The following SYCP2L variants were observed in gnomAD, a reference collection of about 807,000 sequenced individuals.
The protein encoded by SYCP2L is synaptonemal complex protein 2 like, also known as synaptonemal complex protein 2-like.
A neutral mutation model predicts 125.8 loss-of-function variants in SYCP2L; 98 were observed. That is an observed-to-expected ratio of 0.78 (90% CI 0.66 to 0.92). SYCP2L has a LOEUF of 0.92. Among genes scored for constraint, SYCP2L ranks in the 40% least tolerant of loss-of-function variants. SYCP2L has a pLI of 0.00. For synonymous variants in SYCP2L, 317 were observed against 325.4 expected, an observed-to-expected ratio of 0.97 and a Z score of 0.28; for missense variants, 842 against 936.4, an observed-to-expected ratio of 0.90 and a Z score of 1.32.
In SYCP2L at chr6:10,930,404, G is replaced by T. The variant is rs1266861676; in HGVS notation, c.1523G>T (p.Ser508Ile). ...TACAGAAAACATCTCTTCTCTGAGA[G>T]TAATCAAGATTCAAGTACCAGTGAA... is the stretch of plus-strand genomic sequence containing the variant. ...SHYRKHLFSE[S>I]NQDSSTSELS... is the part of the protein sequence containing the mutation. Residue 508 changes from serine to isoleucine, a missense_variant, in exon 19 of 30, where the codon AGT becomes ATT. By Grantham distance (142) the Ser-to-Ile change is moderately radical. Coordinates refer to ENST00000283141, the MANE Select transcript of SYCP2L (RefSeq NM_001040274.3). 4.3e-6 allele frequency: 7 copies of T among 1,613,418 alleles called. No homozygotes were observed. Among genetic ancestry groups the T allele is most frequent in the Non-Finnish European group, 5.9e-6 (7 of 1,179,794 alleles).
intron 14 of SYCP2L, among the ~76,000 whole-genome samples, chr6:10,923,740 G>C (rs1209921584): frequency 3.4e-5 from 5 of 145,112 alleles, no homozygotes; most frequent in Non-Finnish European, 7.4e-5. Context: ...CTGGAGTGCA[G>C]TGGCACGATC....
At chr6:10,961,032 C>G (rs140028332) in intron 26 of SYCP2L, among the ~76,000 whole-genome samples, 2 of 149,904 alleles carry the variant, frequency 1.3e-5, no homozygotes, top group African/African-American at 2.5e-5. Context: ...GAGCTGAGAT[C>G]ACGCCATTGC....
intron 23 of SYCP2L, among the ~76,000 whole-genome samples, chr6:10,945,769 TAAAAAAAA>T (rs56943517): frequency 1.1e-5 from 1 of 93,262 alleles, no homozygotes. Context: ...GACTCCATCT[TAAAAAAAA>T]AAAAAAAAAA....
intron 12 of SYCP2L, among the ~76,000 whole-genome samples, chr6:10,911,893 G>GCTTT (rs1329978597): frequency 0.11 from 9,634 of 90,602 alleles, 2,982 homozygotes; most frequent in Middle Eastern, 0.21. Flanking sequence ...GGGAATAAAA[G>GCTTT]CTTTTTTTTT....
intron 1 of SYCP2L, 99 bp from the exon 2 acceptor site, chr6:10,891,414 T>C: frequency 1.1e-6 from 1 of 891,364 alleles, no homozygotes; most frequent in Non-Finnish European, 1.6e-6. Context: ...AATACAAACC[T>C]TTAATTTTTT....
At chr6:10,922,567 G>A (rs1456379676) in intron 14 of SYCP2L, 2 of 151,430 alleles carry the variant, frequency 1.3e-5, no homozygotes, top group Non-Finnish European at 2.9e-5. Flanking sequence ...CCGGGTTCAC[G>A]CCATTCTTCT....
intron 23 of SYCP2L, among the ~76,000 whole-genome samples, chr6:10,950,745 C>T (rs907937180): frequency 6.6e-6 from 1 of 152,030 alleles, no homozygotes; most frequent in African/African-American, 2.4e-5. Flanking sequence ...CTGCAGCCTT[C>T]GATCTCCCAG....
chr6:10,911,894 C>CTTTTTTTTTTTTTTTTT (rs58800098), intron 12 of SYCP2L, among the ~76,000 whole-genome samples: 3 of 50,020 alleles, frequency 6.0e-5, no homozygotes, highest in Non-Finnish European at 7.3e-5. Flanking sequence ...GGAATAAAAG[C>CTTTTTTTTTTTTTTTTT]TTTTTTTTTT....
At chr6:10,921,249 A>G (rs981047426) in intron 14 of SYCP2L, among the ~76,000 whole-genome samples, 1 of 152,220 alleles carries the variant, frequency 6.6e-6, no homozygotes, top group South Asian at 2.1e-4. Context: ...CAAGGTGTGT[A>G]TGTACCACAT....
intron 19 of SYCP2L, among the ~76,000 whole-genome samples, chr6:10,930,876 T>C (rs571730777): frequency 2.0e-5 from 3 of 152,242 alleles, no homozygotes; most frequent in Non-Finnish European, 2.9e-5. Context: ...CATTCTTAGG[T>C]AGGTAAAACT....
At position 10,928,429 on chromosome 6, in the gene SYCP2L, C is replaced by T. The variant is rs1462853995; in HGVS notation, c.1467C>T (p.Val489=). 1.9e-6 allele frequency: 3 copies of T among 1,585,008 alleles called. No individual in the cohort carries two copies. The highest frequency in any genetic ancestry group is 2.4e-5 in the East Asian group (1 of 42,272). The change falls in exon 18 of 30, where the codon GTC becomes GTT. Residue 489 remains valine (V), a synonymous_variant. Transcript: ENST00000283141. ...TTCAGCCGGTCCCTCCGTTCGGGGTCCCTGACTTCCCGCAACAACCTGTGA... is the reference window on the plus strand; with the variant it reads ...TTCAGCCGGTCCCTCCGTTCGGGGTTCCTGACTTCCCGCAACAACCTGTGA... ...SHLQPVPPFG[V]PDFPQQPKSH...
At chr6:10,934,125 G>GTC (rs769535118) in intron 20 of SYCP2L, among the ~76,000 whole-genome samples, 2 of 152,112 alleles carry the variant, frequency 1.3e-5, no homozygotes, top group Non-Finnish European at 2.9e-5. Flanking sequence ...CGTGCACTCT[G>GTC]TCTCTCTCTT....
intron 21 of SYCP2L, among the ~76,000 whole-genome samples, chr6:10,936,259 G>A (rs1781092923): frequency 6.6e-6 from 1 of 151,940 alleles, no homozygotes; most frequent in Admixed American, 6.6e-5. Flanking sequence ...CACTTTGGGA[G>A]GCTGAGGCGG....
intron 29 of SYCP2L, among the ~76,000 whole-genome samples, chr6:10,970,863 G>A (rs913441558): frequency 6.6e-6 from 1 of 152,098 alleles, no homozygotes; most frequent in East Asian, 1.9e-4. Context: ...ACATTCTTGG[G>A]CTACTCCAGT....
At chr6:10,905,108 A>C (rs1179165950) in intron 8 of SYCP2L, among the ~76,000 whole-genome samples, 4 of 132,670 alleles carry the variant, frequency 3.0e-5, no homozygotes, top group Non-Finnish European at 6.2e-5. Context: ...GTGCCACTGC[A>C]CTCCAGCCTG....
intron 1 of SYCP2L, among the ~76,000 whole-genome samples, chr6:10,889,295 A>G (rs1181422308): frequency 6.6e-6 from 1 of 152,228 alleles, no homozygotes; most frequent in Non-Finnish European, 1.5e-5. Flanking sequence ...ATTAATTGAC[A>G]CATAGTAATT....
intron 24 of SYCP2L, 129 bp from the exon 25 acceptor site, chr6:10,956,007 A>C: frequency 1.5e-6 from 1 of 681,002 alleles, no homozygotes; most frequent in Non-Finnish European, 2.5e-6. Flanking sequence ...ATGTCCAGGC[A>C]GTCAGCGGGG....
chr6:10,906,253 G>C (rs1780486509), intron 9 of SYCP2L, among the ~76,000 whole-genome samples, 199 bp downstream of exon 9: 1 of 151,898 alleles, frequency 6.6e-6, no homozygotes. Context: ...TTACTCACCA[G>C]CCAGCTTTGT....
intron 20 of SYCP2L, 103 bp downstream of exon 20, chr6:10,931,592 T>C (rs760801875): frequency 2.3e-5 from 26 of 1,125,044 alleles, no homozygotes; most frequent in Non-Finnish European, 2.6e-5. Context: ...AATATTGGTT[T>C]ACTGATATGT....
Sources: allele counts gnomAD v4.1 joint callset (sites outside exome capture counted in the v4.1 genomes callset), GRCh38; gene constraint gnomAD v4.1.1; transcripts MANE v1.5; gene names NCBI Gene and HGNC (gene_info 2026-07-23, HGNC 2026-07-21).